Variants in LOXHD1 observed in about 807,000 individuals in gnomAD.
LOXHD1 encodes the protein lipoxygenase homology domain-containing protein 1.
A neutral mutation model predicts 248.2 loss-of-function variants in LOXHD1; 205 were observed. The ratio of observed to expected loss-of-function variants is 0.83; its 90% CI spans 0.74 to 0.93. The LOEUF (loss-of-function observed/expected upper bound fraction) is 0.93, where lower values mean the gene tolerates loss of function less well. LOXHD1 is among the 40% of genes least tolerant of loss of function. LOXHD1 has a pLI of 0.00. For missense variants in LOXHD1, 2,930 were observed against 2,971.6 expected (o/e 0.99, Z 0.33); for synonymous variants, 1,113 against 1,162.8 (o/e 0.96, Z 0.87).
intron 25 of LOXHD1, 102 bp downstream of exon 25, chr18:46,541,674 G>A: frequency 1.5e-6 from 2 of 1,350,732 alleles, no homozygotes; most frequent in South Asian, 2.6e-5. Context: ...TTCAAGGTGG[G>A]CCTGGCCCAC....
At chr18:46,652,873 T>C (rs558275801) in intron 1 of LOXHD1, among the ~76,000 whole-genome samples, 120 of 152,276 alleles carry the variant, frequency 7.9e-4, no homozygotes, top group African/African-American at 2.9e-3. Flanking sequence ...AACTATATAT[T>C]GTGTCACACG....
intron 12 of LOXHD1, among the ~76,000 whole-genome samples, chr18:46,591,258 C>G (rs994035175): frequency 4.6e-5 from 7 of 152,124 alleles, no homozygotes; most frequent in Non-Finnish European, 7.3e-5. Context: ...ATCTTAAGTG[C>G]CATTTCTGAT....
intron 35 of LOXHD1, 184 bp downstream of exon 35, chr18:46,509,510 CAAAT>C: frequency 1.5e-6 from 1 of 652,686 alleles, no homozygotes; most frequent in Non-Finnish European, 2.9e-6. Context: ...TCACTGGACA[CAAAT>C]AAATAAAACG....
At chr18:46,622,322 T>A (rs1262905062) in intron 4 of LOXHD1, among the ~76,000 whole-genome samples, 1 of 152,254 alleles carries the variant, frequency 6.6e-6, no homozygotes, top group African/African-American at 2.4e-5. Flanking sequence ...AGTAAGACTT[T>A]ATTTATGGAC....
At chr18:46,638,188 A>G (rs2038916846) in intron 4 of LOXHD1, among the ~76,000 whole-genome samples, 1 of 152,222 alleles carries the variant, frequency 6.6e-6, no homozygotes, top group Non-Finnish European at 1.5e-5. Flanking sequence ...AAAAGACTAG[A>G]AATGAAGACA....
intron 4 of LOXHD1, among the ~76,000 whole-genome samples, chr18:46,622,512 A>C (rs1385426845): frequency 1.3e-5 from 2 of 152,192 alleles, no homozygotes; most frequent in Non-Finnish European, 2.9e-5. Flanking sequence ...ACTCTCAGGC[A>C]CTGTTCTGCC....
chr18:46,640,903 C>T (rs1247187538), intron 3 of LOXHD1, among the ~76,000 whole-genome samples: 1 of 152,168 alleles, frequency 6.6e-6, no homozygotes, highest in African/African-American at 2.4e-5. Context: ...AGGCTTTATC[C>T]TTGCAGTTGT....
intron 2 of LOXHD1, among the ~76,000 whole-genome samples, 188 bp downstream of exon 2, chr18:46,648,967 A>C (rs987517173): frequency 1.3e-5 from 2 of 152,178 alleles, no homozygotes; most frequent in African/African-American, 4.8e-5. Flanking sequence ...TCAAGAGAGG[A>C]GCTGAGGGAG....
At chr18:46,571,620 G>A (rs928627553) in intron 15 of LOXHD1, among the ~76,000 whole-genome samples, 1 of 152,136 alleles carries the variant, frequency 6.6e-6, no homozygotes. Context: ...ATGAGGTGTT[G>A]GTAATGTCAA....
rs876657855 is a variant in LOXHD1 at position 46,521,242 on chromosome 18, A to ACCAGCCAGCAGCT, written c.5113_5125dup (p.Val1709GlufsTer24). ...GGGCACTGCCAAACACAACTCTTCC[A>ACCAGCCAGCAGCT]CCAGCCAGCAGCTCTCAGGGGAGGC... On this transcript the variant is annotated frameshift_variant, in exon 33 of 41. Coordinates refer to ENST00000642948, the MANE Select transcript of LOXHD1 (RefSeq NM_001384474.1). LOFTEE classifies it high-confidence loss of function. 2.4e-5 allele frequency: 37 copies of ACCAGCCAGCAGCT among 1,551,494 alleles called. No homozygotes were observed. Among genetic ancestry groups the ACCAGCCAGCAGCT allele is most frequent in the Non-Finnish European group, 3.2e-5 (37 of 1,146,964 alleles).
At chr18:46,488,322 T>C (rs776376443) in intron 38 of LOXHD1, among the ~76,000 whole-genome samples, 2 of 152,090 alleles carry the variant, frequency 1.3e-5, no homozygotes, top group African/African-American at 2.4e-5. Context: ...GAGTGAAAAA[T>C]GTTTTGTTGT....
chr18:46,607,339 A>G (rs955832790), intron 6 of LOXHD1, among the ~76,000 whole-genome samples: 2 of 150,354 alleles, frequency 1.3e-5, no homozygotes, highest in African/African-American at 4.9e-5. Flanking sequence ...GCATATATAC[A>G]TGTACATATA....
intron 40 of LOXHD1, among the ~76,000 whole-genome samples, chr18:46,481,887 G>A (rs977855978): frequency 3.9e-5 from 6 of 152,106 alleles, no homozygotes; most frequent in Non-Finnish European, 8.8e-5. Context: ...ACTCTCTCTC[G>A]GCCAACATTG....
At chr18:46,497,457 C>A (rs1367094566) in intron 37 of LOXHD1, among the ~76,000 whole-genome samples, 4 of 152,050 alleles carry the variant, frequency 2.6e-5, no homozygotes, top group Admixed American at 6.5e-5. Context: ...GATATGTGTG[C>A]AATTAGTGTC....
intron 5 of LOXHD1, among the ~76,000 whole-genome samples, chr18:46,611,915 C>T (rs907403999): frequency 3.3e-5 from 5 of 152,156 alleles, no homozygotes; most frequent in Admixed American, 6.5e-5. Flanking sequence ...TCTATAAAGA[C>T]GGCTCCTGAA....
At chr18:46,571,725 C>T (rs989312796) in intron 15 of LOXHD1, among the ~76,000 whole-genome samples, 7 of 152,206 alleles carry the variant, frequency 4.6e-5, no homozygotes, top group Admixed American at 4.6e-4. Flanking sequence ...AACTCTAAGG[C>T]CTCCAAGATG....
At chr18:46,490,694 C>T (rs1003564441) in intron 37 of LOXHD1, among the ~76,000 whole-genome samples, 16 of 152,202 alleles carry the variant, frequency 1.1e-4, no homozygotes, top group African/African-American at 3.1e-4. Context: ...AGGCTGGTCT[C>T]GAACTCCCGA....
In LOXHD1 at chr18:46,573,022, C is replaced by CAAAAAAAA. The variant is rs71162809; in HGVS notation, c.1971-868_1971-861dup. On this transcript the variant is annotated intron_variant, in intron 14 of 40. Coordinates refer to ENST00000642948, the MANE Select transcript of LOXHD1 (RefSeq NM_001384474.1). ...TGGGCGACAGGGTGAGACTCCGTCTCAAAAAAAAAAAAAAAAAAAAAAAAG... is the reference window on the plus strand; with the variant it reads ...TGGGCGACAGGGTGAGACTCCGTCTCAAAAAAAAAAAAAAAAAAAAAAAAAAAAAAAAG... 2.4e-4 allele frequency among the ~76,000 whole-genome samples: 14 copies of CAAAAAAAA among 57,374 alleles called. 2 individuals are homozygous for CAAAAAAAA. The highest frequency in any genetic ancestry group is 4.7e-4 in the Admixed American group (2 of 4,236). 37.6% of individuals were successfully genotyped at this position (57,374 alleles called of 152,430 possible). A position where few individuals can be genotyped will look rare whatever the true frequency, so the allele number is the denominator to read the frequency against.
At chr18:46,649,342 CAG>C in intron 1 of LOXHD1, 73 bp from the exon 2 acceptor site, 2 of 1,316,448 alleles carry the variant, frequency 1.5e-6, no homozygotes, top group Non-Finnish European at 2.1e-6. Flanking sequence ...CTGGAGAATC[CAG>C]CCCTTGCTGG....
Sources: allele counts gnomAD v4.1 joint callset (sites outside exome capture counted in the v4.1 genomes callset), GRCh38; gene constraint gnomAD v4.1.1; transcripts MANE v1.5; gene names NCBI Gene and HGNC (gene_info 2026-07-23, HGNC 2026-07-21).